The following SPATA18 variants were observed in gnomAD, a reference collection of about 807,000 sequenced individuals.
SPATA18 encodes the protein mitochondria-eating protein.
Under a neutral mutation model 68.1 loss-of-function variants are expected in SPATA18, and 54 were observed. The ratio of observed to expected loss-of-function variants is 0.79; its 90% confidence interval spans 0.64 to 0.99. SPATA18 has a LOEUF of 0.99. Among genes scored for constraint, SPATA18 ranks in the 50% least tolerant of loss-of-function variants. The probability of loss-of-function intolerance (pLI) is 0.00; values close to 1 mark genes in which losing one functional copy is unlikely to be tolerated. For synonymous variants in SPATA18, 242 were observed against 244.8 expected (o/e 0.99, Z 0.11); for missense variants, 724 against 681.1 (o/e 1.06, Z -0.70).
intron 7 of SPATA18, among the ~76,000 whole-genome samples, chr4:52,078,186 G>A (rs932407320): frequency 6.6e-6 from 1 of 151,346 alleles, no homozygotes; most frequent in Non-Finnish European, 1.5e-5. Context: ...ATTGAAAAAC[G>A]TTTGCCATCC....
At position 52,062,321 on chromosome 4, in the gene SPATA18, G is replaced by A. The variant is rs773828483; in HGVS notation, c.411G>A (p.Gln137=). ...ACTCAACCCGGAGTCAATGCAACCA[G>A]GTTCAAGACGAGTAAGAGGAATGCA... ...NLNSTRSQCN[Q]VQDDLVETEK... Residue 137 remains glutamine, a synonymous_variant, in exon 4 of 13, where the codon CAG becomes CAA. Coordinates refer to ENST00000295213, the MANE Select transcript of SPATA18 (RefSeq NM_145263.4). The A allele has an allele frequency of 5.0e-6, 8 of 1,603,078 alleles. No individual in the cohort carries two copies. The highest frequency in any genetic ancestry group is 6.8e-6 in the Non-Finnish European group (8 of 1,172,830).
chr4:52,074,447 T>TG lies in SPATA18; in HGVS notation c.758+2297dup, dbSNP rs574055068. Among the ~76,000 whole-genome samples, 370 of 151,822 alleles carry TG rather than the reference T, an allele frequency of 2.4e-3. 2 individuals carry two copies. The highest frequency in any genetic ancestry group is 8.5e-3 in the African/African-American group (350 of 41,410). ...GTAATGTCCCAGCTGGTTGGGTGAG[T>TG]GGGGGGCGCAGCGGTGGTGTTCAAA... On this transcript the variant is annotated intron_variant, in intron 6 of 12. Coordinates refer to ENST00000295213, the MANE Select transcript of SPATA18 (RefSeq NM_145263.4).
At chr4:52,060,100 T>C (rs1198851051) in intron 1 of SPATA18, among the ~76,000 whole-genome samples, 1 of 152,194 alleles carries the variant, frequency 6.6e-6, no homozygotes, top group Non-Finnish European at 1.5e-5. Flanking sequence ...CTCTTCTGCA[T>C]TCAGTTGGCA....
chr4:52,094,067 C>G (rs1050412356), intron 11 of SPATA18, among the ~76,000 whole-genome samples: 1 of 152,114 alleles, frequency 6.6e-6, no homozygotes, highest in African/African-American at 2.4e-5. Context: ...GCCTGACCGG[C>G]TATGTCACTG....
intron 6 of SPATA18, among the ~76,000 whole-genome samples, chr4:52,072,612 G>C (rs972105292): frequency 6.6e-6 from 1 of 152,088 alleles, no homozygotes; most frequent in Non-Finnish European, 1.5e-5. Context: ...CACCATGTTG[G>C]CCAGGCTGGT....
intron 10 of SPATA18, 82 bp from the exon 11 acceptor site, chr4:52,084,834 G>A: frequency 7.6e-7 from 1 of 1,314,948 alleles, no homozygotes; most frequent in Non-Finnish European, 1.1e-6. Flanking sequence ...CTCTTATTCT[G>A]TGGGATATGC....
intron 10 of SPATA18, chr4:52,083,232 A>G (rs1356087703): frequency 8.1e-6 from 8 of 985,224 alleles, no homozygotes; most frequent in Non-Finnish European, 9.6e-6. Context: ...CCTTTCCTAG[A>G]AAGAGTTAAA....
intron 11 of SPATA18, among the ~76,000 whole-genome samples, chr4:52,085,911 T>TAAACA (rs1395616506): frequency 7.2e-5 from 11 of 151,902 alleles, no homozygotes; most frequent in Non-Finnish European, 1.0e-4. Context: ...GATCCTGTCT[T>TAAACA]AAACAAAAGA....
At position 52,079,926 on chromosome 4, in the gene SPATA18, G is replaced by C. The variant is rs201158542; in HGVS notation, c.1355+7G>C. The C allele has an allele frequency of 4.3e-6, 7 of 1,610,060 alleles. No homozygotes were observed. The East Asian group carries it at 1.6e-4, about 36-fold the overall frequency. On this transcript the variant is annotated splice_region_variant and intron_variant, in intron 9 of 12. Transcript: ENST00000295213. ...AAGTTTTTAATGATTGCAAGTAAGA[G>C]ACACAGGAGCAGAAGCTAAGGGATT...
Position 52,072,169 on chromosome 4 carries a change from C to T in SPATA18, c.758+13C>T, listed in dbSNP as rs1420783914. 6.2e-7 allele frequency: 1 copy of T among 1,612,654 alleles called. No individual in the cohort carries two copies. The highest frequency in any genetic ancestry group is 1.1e-5 in the South Asian group (1 of 90,912). ...CACTCCAAGGAAGGTCAGACAAACT[C>T]TCAAAGATCTTCTCATTTAGGCTCT... On this transcript the variant is annotated intron_variant, in intron 6 of 12. Coordinates refer to ENST00000295213, the MANE Select transcript of SPATA18 (RefSeq NM_145263.4).
chr4:52,060,700 C>G, intron 2 of SPATA18, 82 bp from the exon 3 acceptor site: 1 of 1,239,198 alleles, frequency 8.1e-7, no homozygotes. Flanking sequence ...GGTACATGTA[C>G]ACAACGTGCA....
At chr4:52,077,522 T>G (rs1180036784) in intron 7 of SPATA18, among the ~76,000 whole-genome samples, 1 of 151,818 alleles carries the variant, frequency 6.6e-6, no homozygotes, top group Non-Finnish European at 1.5e-5. Flanking sequence ...TATATAATAT[T>G]TATTTATTTA....
intron 6 of SPATA18, 127 bp from the exon 7 acceptor site, chr4:52,076,652 A>T: frequency 8.1e-7 from 1 of 1,241,646 alleles, no homozygotes; most frequent in Non-Finnish European, 1.1e-6. Context: ...AAGTCTAATC[A>T]CTTCTGAATT....
At chr4:52,087,994 G>C (rs747960811) in intron 11 of SPATA18, among the ~76,000 whole-genome samples, 1 of 152,120 alleles carries the variant, frequency 6.6e-6, no homozygotes, top group Non-Finnish European at 1.5e-5. Flanking sequence ...CACATTCCTT[G>C]TAAGTTGTAT....
intron 7 of SPATA18, among the ~76,000 whole-genome samples, chr4:52,077,569 T>A (rs1441901826): frequency 2.6e-5 from 4 of 152,088 alleles, no homozygotes; most frequent in Non-Finnish European, 4.4e-5. Flanking sequence ...TTAAGAAGTA[T>A]CCGTAAACGC....
chr4:52,063,583 T>C (rs1394998937), intron 4 of SPATA18, among the ~76,000 whole-genome samples: 2 of 152,192 alleles, frequency 1.3e-5, no homozygotes, highest in Admixed American at 1.3e-4. Context: ...GGTCACACAG[T>C]CATTTTTGGT....
At position 52,051,911 on chromosome 4, in the gene SPATA18, T is replaced by A. The variant is rs977867070; in HGVS notation, c.87+120T>A. On this transcript the variant is annotated intron_variant, in intron 1 of 12. Transcript: ENST00000295213. Reference sequence around the variant, plus strand: ...TTTGCAAAGCCTCCGCGGTTGCGATTCCTAACCAGGATCTCAGCTTTCGAC... The same window carrying A: ...TTTGCAAAGCCTCCGCGGTTGCGATACCTAACCAGGATCTCAGCTTTCGAC... 2.6e-5 allele frequency: 22 copies of A among 861,858 alleles called. No homozygotes were observed. The African/African-American group carries it at 3.6e-4, about 14-fold the overall frequency. 53.4% of individuals were successfully genotyped at this position (861,858 alleles called of 1,614,324 possible). A position where few individuals can be genotyped will look rare whatever the true frequency, so the allele number is the denominator to read the frequency against.
At chr4:52,056,401 A>G (rs1480858261) in intron 1 of SPATA18, among the ~76,000 whole-genome samples, 1 of 152,152 alleles carries the variant, frequency 6.6e-6, no homozygotes, top group Non-Finnish European at 1.5e-5. Flanking sequence ...TGAATTTTGG[A>G]TGATGATGGC....
chr4:52,056,418 T>C (rs886354069), intron 1 of SPATA18, among the ~76,000 whole-genome samples: 1 of 152,180 alleles, frequency 6.6e-6, no homozygotes, highest in Non-Finnish European at 1.5e-5. Context: ...TGGCATCCCA[T>C]TTGTAGGATT....
Sources: allele counts gnomAD v4.1 joint callset (sites outside exome capture counted in the v4.1 genomes callset), GRCh38; gene constraint gnomAD v4.1.1; transcripts MANE v1.5; gene names NCBI Gene and HGNC (gene_info 2026-07-23, HGNC 2026-07-21).